NRG3: variants seen among roughly 807,000 people sequenced by gnomAD.
The protein encoded by NRG3 is neuregulin 3.
Under a neutral mutation model 66.9 loss-of-function variants are expected in NRG3, and 31 were observed. That is an observed-to-expected ratio of 0.46 (90% CI 0.35 to 0.63). The LOEUF (loss-of-function observed/expected upper bound fraction) is 0.63. Among genes scored for constraint, NRG3 ranks in the 20% least tolerant of loss-of-function variants. NRG3 has a pLI of 0.00. For synonymous variants in NRG3, 393 were observed against 359.4 expected (o/e 1.09, Z -1.06); for missense variants, 910 against 878.9 (o/e 1.04, Z -0.45).
chr10:82,720,969 A>G (rs1294709469), intron 2 of NRG3, among the ~76,000 whole-genome samples: 1 of 150,652 alleles, frequency 6.6e-6, no homozygotes, highest in Non-Finnish European at 1.5e-5. Context: ...ACTCCAGTTA[A>G]ATAGTATTCC....
chr10:81,986,318 A>G (rs937870554), intron 1 of NRG3, among the ~76,000 whole-genome samples: 1 of 152,180 alleles, frequency 6.6e-6, no homozygotes, highest in Non-Finnish European at 1.5e-5. Flanking sequence ...TAAAAAGAAA[A>G]AATTATGAAT....
chr10:82,849,525 T>C (rs973593155), intron 3 of NRG3, among the ~76,000 whole-genome samples: 1 of 151,636 alleles, frequency 6.6e-6, no homozygotes, highest in African/African-American at 2.4e-5. Context: ...GGTTATTCTT[T>C]ATATGGTGGT....
intron 1 of NRG3, among the ~76,000 whole-genome samples, chr10:81,934,425 A>G (rs1394805266): frequency 6.6e-6 from 1 of 152,188 alleles, no homozygotes; most frequent in East Asian, 1.9e-4. Flanking sequence ...CTCCTTAAGC[A>G]TCGGACACTC....
chr10:82,564,749 T>C (rs2045283372), intron 2 of NRG3, among the ~76,000 whole-genome samples: 1 of 152,104 alleles, frequency 6.6e-6, no homozygotes, highest in Non-Finnish European at 1.5e-5. Flanking sequence ...CTCATAGCTC[T>C]TACTGTTAAA....
chr10:82,098,833 G>A (rs2066542631), intron 1 of NRG3, among the ~76,000 whole-genome samples: 1 of 152,038 alleles, frequency 6.6e-6, no homozygotes, highest in African/African-American at 2.4e-5. Flanking sequence ...GTGCGATCTC[G>A]GCTCACTGCA....
rs576037389 is a variant in NRG3, at chr10:82,547,628, T to A, written c.953+188760T>A. Among the ~76,000 whole-genome samples, 14 of 152,032 alleles carry A rather than the reference T, an allele frequency of 9.2e-5. No individual in the cohort carries two copies. The South Asian group carries it at 2.5e-3, about 27-fold the overall frequency. ...ATATATGTACATATACATATATGTG[T>A]GTGTGTGTATATATATATATTTATG... On this transcript the variant is annotated intron_variant, in intron 2 of 8. Coordinates refer to ENST00000372141, the MANE Select transcript of NRG3 (RefSeq NM_001010848.4).
chr10:82,654,535 A>G (rs2051693512), intron 2 of NRG3, among the ~76,000 whole-genome samples: 1 of 152,254 alleles, frequency 6.6e-6, no homozygotes, highest in Non-Finnish European at 1.5e-5. Flanking sequence ...TTATATAGTC[A>G]TCTTAGATTT....
chr10:82,975,857 C>T (rs904298541), intron 7 of NRG3, among the ~76,000 whole-genome samples: 7 of 152,086 alleles, frequency 4.6e-5, no homozygotes, highest in Admixed American at 2.0e-4. Context: ...GTTTAGCGAA[C>T]TATGAATAAT....
At chr10:82,712,074 G>T (rs1232345755) in intron 2 of NRG3, among the ~76,000 whole-genome samples, 1 of 152,072 alleles carries the variant, frequency 6.6e-6, no homozygotes, top group Non-Finnish European at 1.5e-5. Context: ...CTCTCCAAAA[G>T]AATCCTTTGC....
chr10:81,967,151 T>C (rs1360757593), intron 1 of NRG3, among the ~76,000 whole-genome samples: 1 of 151,928 alleles, frequency 6.6e-6, no homozygotes, highest in Non-Finnish European at 1.5e-5. Flanking sequence ...CATATATTTG[T>C]AGCTATAAAT....
intron 1 of NRG3, among the ~76,000 whole-genome samples, chr10:81,987,926 A>G (rs1006830945): frequency 5.3e-5 from 8 of 152,206 alleles, no homozygotes; most frequent in African/African-American, 1.7e-4. Context: ...CCATCCTAGC[A>G]TTCTTAGATT....
chr10:81,977,192 C>T (rs926908858), intron 1 of NRG3, among the ~76,000 whole-genome samples: 1 of 152,068 alleles, frequency 6.6e-6, no homozygotes, highest in Non-Finnish European at 1.5e-5. Flanking sequence ...GAGGTATTGC[C>T]TCCCTCATAC....
chr10:82,946,889 G>T (rs1849080998), intron 4 of NRG3, among the ~76,000 whole-genome samples: 1 of 152,056 alleles, frequency 6.6e-6, no homozygotes, highest in Non-Finnish European at 1.5e-5. Context: ...TTTATATTCT[G>T]CATATTCGAC....
chr10:81,877,484 A>G (rs1262551423), intron 1 of NRG3, among the ~76,000 whole-genome samples: 3 of 152,180 alleles, frequency 2.0e-5, no homozygotes, highest in Non-Finnish European at 4.4e-5. Context: ...GATGATGGGA[A>G]TACTGGGTTT....
intron 2 of NRG3, among the ~76,000 whole-genome samples, chr10:82,733,755 G>A (rs533787678): frequency 6.6e-6 from 1 of 152,316 alleles, no homozygotes; most frequent in East Asian, 1.9e-4. Flanking sequence ...AGAGGAAGAA[G>A]GAGAAATTGA....
chr10:82,921,316 G>A (rs1564632149), intron 4 of NRG3, among the ~76,000 whole-genome samples: 1 of 152,104 alleles, frequency 6.6e-6, no homozygotes, highest in Non-Finnish European at 1.5e-5. Flanking sequence ...AACAAGAAAT[G>A]TCTGACAAAC....
At chr10:82,194,797 G>A (rs1012680712) in intron 1 of NRG3, among the ~76,000 whole-genome samples, 1 of 152,134 alleles carries the variant, frequency 6.6e-6, no homozygotes, top group East Asian at 1.9e-4. Flanking sequence ...AGGTATAAGG[G>A]CATTTCCTCT....
intron 1 of NRG3, among the ~76,000 whole-genome samples, chr10:82,158,534 G>T (rs533588653): frequency 6.6e-6 from 1 of 151,860 alleles, no homozygotes; most frequent in East Asian, 1.9e-4. Context: ...GTCTTTTCAT[G>T]GAAGTGTGTC....
chr10:82,091,468 A>G (rs1020927377), intron 1 of NRG3, among the ~76,000 whole-genome samples: 3 of 152,084 alleles, frequency 2.0e-5, no homozygotes, highest in Non-Finnish European at 2.9e-5. Flanking sequence ...TTCAAGGTCC[A>G]TTCATGTTCT....
Sources: allele counts gnomAD v4.1 joint callset (sites outside exome capture counted in the v4.1 genomes callset), GRCh38; gene constraint gnomAD v4.1.1; transcripts MANE v1.5; gene names NCBI Gene and HGNC (gene_info 2026-07-23, HGNC 2026-07-21).